SEPTIN7: variants seen among roughly 807,000 people sequenced by gnomAD.
SEPTIN7 encodes septin-7.
A neutral mutation model predicts 63.3 loss-of-function variants in SEPTIN7; 10 were observed. The observed-to-expected ratio is 0.16, with a 90% CI of 0.10 to 0.27. The LOEUF (loss-of-function observed/expected upper bound fraction) is 0.27. Ranked by LOEUF, SEPTIN7 falls within the 10% of genes least tolerant of loss-of-function variation. The probability of loss-of-function intolerance (pLI) is 1.00; values close to 1 mark genes in which losing one functional copy is unlikely to be tolerated. For synonymous variants in SEPTIN7, 131 were observed against 165.3 expected, an observed-to-expected ratio of 0.79 and a Z score of 1.59; for missense variants, 310 against 521.0, an observed-to-expected ratio of 0.59 and a Z score of 3.94.
intron 10 of SEPTIN7, among the ~76,000 whole-genome samples, chr7:35,886,697 A>G (rs1173993775): frequency 6.6e-6 from 1 of 152,160 alleles, no homozygotes; most frequent in African/African-American, 2.4e-5. Flanking sequence ...GTTGATATCT[A>G]TTAATTTTCA....
intron 9 of SEPTIN7, 66 bp downstream of exon 9, chr7:35,884,053 A>G: frequency 2.1e-6 from 2 of 969,740 alleles, no homozygotes; most frequent in South Asian, 2.6e-5. Context: ...TTGTATTTAT[A>G]GTAAGTAGTA....
the SEPTIN7 span, among the ~76,000 whole-genome samples, chr7:35,915,509 A>G: frequency 6.6e-6 from 1 of 152,182 alleles, no homozygotes; most frequent in African/African-American, 2.4e-5. Context: ...CATGTTACTT[A>G]CCTCTGTTAA....
intron 1 of SEPTIN7, among the ~76,000 whole-genome samples, chr7:35,822,743 T>A (rs1330427011): frequency 2.0e-5 from 3 of 152,226 alleles, no homozygotes; most frequent in Admixed American, 6.5e-5. Flanking sequence ...ATTTCCATGA[T>A]ACAACACTGG....
intron 3 of SEPTIN7, among the ~76,000 whole-genome samples, chr7:35,834,315 A>G (rs2115903845): frequency 6.6e-6 from 1 of 152,168 alleles, no homozygotes; most frequent in African/African-American, 2.4e-5. Context: ...ATTACTTTTT[A>G]AACTATACTT....
At chr7:35,912,649 AG>A in the SEPTIN7 span, among the ~76,000 whole-genome samples, 1 of 152,214 alleles carries the variant, frequency 6.6e-6, no homozygotes, top group Non-Finnish European at 1.5e-5. Flanking sequence ...CCTTGAAAGC[AG>A]GTACAGCGGA....
intron 6 of SEPTIN7, among the ~76,000 whole-genome samples, chr7:35,876,750 C>T (rs890966888): frequency 2.0e-5 from 3 of 152,088 alleles, no homozygotes; most frequent in African/African-American, 7.2e-5. Context: ...AGGTGGATCA[C>T]CTGAGGTCAG....
chr7:35,901,563 A>G (rs1242656689), intron 12 of SEPTIN7: 2 of 152,142 alleles, frequency 1.3e-5, no homozygotes, highest in Non-Finnish European at 2.9e-5. Context: ...ATCTGACCCC[A>G]TGGGTTTCTT....
intron 1 of SEPTIN7, among the ~76,000 whole-genome samples, chr7:35,822,555 G>A (rs1783278408): frequency 6.6e-6 from 1 of 152,068 alleles, no homozygotes; most frequent in Non-Finnish European, 1.5e-5. Context: ...AGGTGCCAGA[G>A]CTCAGGCGGT....
At chr7:35,884,938 T>TA (rs1464686150) in intron 9 of SEPTIN7, among the ~76,000 whole-genome samples, 1 of 152,214 alleles carries the variant, frequency 6.6e-6, no homozygotes, top group African/African-American at 2.4e-5. Flanking sequence ...ATCTGATACT[T>TA]AATCTTCTGT....
chr7:35,891,642 A>G (rs1339314673), intron 11 of SEPTIN7, among the ~76,000 whole-genome samples: 1 of 152,174 alleles, frequency 6.6e-6, no homozygotes, highest in Non-Finnish European at 1.5e-5. Context: ...TGAGTCAGTG[A>G]GTGTGCAGTG....
intron 3 of SEPTIN7, among the ~76,000 whole-genome samples, chr7:35,843,724 T>C (rs1048752223): frequency 1.3e-5 from 2 of 152,224 alleles, no homozygotes; most frequent in African/African-American, 4.8e-5. Flanking sequence ...TGCAGAGTTA[T>C]AATATTTACA....
chr7:35,869,413 G>C (rs1385801067), intron 4 of SEPTIN7, among the ~76,000 whole-genome samples: 1 of 152,166 alleles, frequency 6.6e-6, no homozygotes, highest in African/African-American at 2.4e-5. Context: ...AAGCAAAATA[G>C]ATAGTTTTTG....
At chr7:35,845,027 G>A (rs182623568) in intron 3 of SEPTIN7, among the ~76,000 whole-genome samples, 3 of 152,132 alleles carry the variant, frequency 2.0e-5, no homozygotes, top group East Asian at 3.9e-4. Flanking sequence ...GGTTCGAGAC[G>A]ACCCTGGGCA....
chr7:35,870,782 T>A (rs1786093918), intron 4 of SEPTIN7, among the ~76,000 whole-genome samples: 1 of 147,724 alleles, frequency 6.8e-6, no homozygotes, highest in Non-Finnish European at 1.5e-5. Context: ...AGCTATAATC[T>A]GCCATGCACT....
chr7:35,889,421 G>A (rs980320149), intron 10 of SEPTIN7, among the ~76,000 whole-genome samples: 9 of 152,196 alleles, frequency 5.9e-5, no homozygotes, highest in African/African-American at 1.7e-4. Flanking sequence ...ATGTCAGTAC[G>A]AAATGAATCA....
chr7:35,902,054 A>G (rs1276126539), intron 12 of SEPTIN7: 1 of 149,734 alleles, frequency 6.7e-6, no homozygotes, highest in Non-Finnish European at 1.5e-5. Flanking sequence ...TGTATATAAT[A>G]TATAATACAT....
At chr7:35,840,576 C>A (rs188691741) in intron 3 of SEPTIN7, among the ~76,000 whole-genome samples, 1 of 151,698 alleles carries the variant, frequency 6.6e-6, no homozygotes, top group Non-Finnish European at 1.5e-5. Context: ...TCATGCCTGG[C>A]CAGCAAAATT....
Position 35,816,120 on chromosome 7 carries a change from C to T in SEPTIN7, c.61+14850C>T, listed in dbSNP as rs376412523. On this transcript the variant is annotated intron_variant, in intron 1 of 13. Transcript: ENST00000350320. ...TGCCATAAAATATACCCCTTGAAAG[C>T]GTGATTTTGTGGTTTTTCGTGTATT... Among the ~76,000 whole-genome samples, 50 of 152,178 alleles carry T rather than the reference C, an allele frequency of 3.3e-4. 2 individuals are homozygous for T. In the East Asian group the frequency reaches 7.3e-3, roughly 22 times the overall value.
chr7:35,858,921 C>CT (rs1302984842), intron 3 of SEPTIN7, among the ~76,000 whole-genome samples: 3 of 152,022 alleles, frequency 2.0e-5, no homozygotes, highest in Non-Finnish European at 2.9e-5. Context: ...CTCAGGTGAT[C>CT]TACCCTCCTC....
Sources: gnomAD v4.1 joint callset for allele counts (sites outside exome capture counted in the v4.1 genomes callset) on GRCh38, gnomAD v4.1.1 for gene constraint, MANE v1.5 for transcripts, NCBI Gene and HGNC (gene_info 2026-07-23, HGNC 2026-07-21) for gene names.